Variants in UVSSA observed in about 807,000 individuals in gnomAD.
The protein encoded by UVSSA is UV stimulated scaffold protein A.
Under a neutral mutation model 73.9 loss-of-function variants are expected in UVSSA, and 72 were observed. The observed-to-expected ratio is 0.97, with a 90% CI of 0.81 to 1.19. UVSSA has a LOEUF of 1.19. Among genes scored for constraint, UVSSA ranks in the 50% most tolerant of loss-of-function variants. The pLI, the probability that UVSSA is intolerant of heterozygous loss-of-function variation, is 0.00. For synonymous variants in UVSSA, 454 were observed against 391.3 expected (o/e 1.16, Z -1.89); for missense variants, 1,150 against 965.0 (o/e 1.19, Z -2.54).
At chr4:1,370,709 C>T (rs1163382128) in intron 8 of UVSSA, among the ~76,000 whole-genome samples, 1 of 152,230 alleles carries the variant, frequency 6.6e-6, no homozygotes, top group Non-Finnish European at 1.5e-5. Flanking sequence ...GGACTTGGCT[C>T]ATAGCCACAG....
chr4:1,365,041 G>A (rs13130329), intron 7 of UVSSA, among the ~76,000 whole-genome samples: 44,593 of 152,158 alleles, frequency 0.29, 7,891 homozygotes, highest in Non-Finnish European at 0.4. Context: ...CAGAGGGAAG[G>A]TGAGGCGGAG....
intron 8 of UVSSA, among the ~76,000 whole-genome samples, chr4:1,372,811 T>C (rs796580293): frequency 2.1e-5 from 1 of 48,470 alleles, no homozygotes; most frequent in African/African-American, 9.9e-5. Context: ...ACCTCCCGCG[T>C]CTCAGGGCAC....
exon 14 of UVSSA, chr4:1,394,360 T>C: frequency 7.6e-7 from 1 of 1,312,238 alleles, no homozygotes; most frequent in Admixed American, 2.5e-5. Context: ...AGATTATATT[T>C]GAAATGTTTT....
At chr4:1,371,012 C>G (rs1717961852) in intron 8 of UVSSA, among the ~76,000 whole-genome samples, 1 of 152,230 alleles carries the variant, frequency 6.6e-6, no homozygotes, top group Non-Finnish European at 1.5e-5. Context: ...CATGCCTCCT[C>G]ATTCTCCTCC....
chr4:1,346,475 C>A (rs1042366684), upstream of UVSSA, among the ~76,000 whole-genome samples: 4 of 152,194 alleles, frequency 2.6e-5, no homozygotes, highest in Admixed American at 2.0e-4. Flanking sequence ...TTCGAGGCTG[C>A]GGACTTCGGC....
chr4:1,358,274 C>T (rs1716087330), intron 7 of UVSSA, among the ~76,000 whole-genome samples: 2 of 152,368 alleles, frequency 1.3e-5, no homozygotes, highest in Non-Finnish European at 1.5e-5. Flanking sequence ...CCCTCGTCCC[C>T]TTCGACCACA....
chr4:1,360,672 C>T (rs942306625), intron 7 of UVSSA, among the ~76,000 whole-genome samples: 1 of 152,112 alleles, frequency 6.6e-6, no homozygotes, highest in African/African-American at 2.4e-5. Flanking sequence ...CCTTTCCCGC[C>T]CCCGTGAGCC....
intron 7 of UVSSA, among the ~76,000 whole-genome samples, chr4:1,362,118 A>T (rs1417198709): frequency 6.6e-6 from 1 of 152,064 alleles, no homozygotes; most frequent in African/African-American, 2.4e-5. Context: ...TATTTTAGCC[A>T]TTTTATTGCT....
downstream of UVSSA, chr4:1,389,479 T>G (rs1235029482): frequency 6.6e-6 from 1 of 152,274 alleles, no homozygotes; most frequent in East Asian, 1.9e-4. Context: ...TCAAGCAATC[T>G]TCCCATCTCA....
At chr4:1,395,143 C>T (rs758967790) in exon 14 of UVSSA, 3 of 1,316,700 alleles carry the variant, frequency 2.3e-6, no homozygotes, top group East Asian at 2.3e-5. Context: ...CCTGCCTGCT[C>T]ACACGTGCCC....
chr4:1,394,174 C>T (rs2109335547), exon 14 of UVSSA: 1 of 456,016 alleles, frequency 2.2e-6, no homozygotes, highest in Non-Finnish European at 4.0e-6. Flanking sequence ...ACACACACAG[C>T]TCTGTGCCTG....
chr4:1,383,133 T>G (rs1173280642), intron 12 of UVSSA, among the ~76,000 whole-genome samples: 1 of 152,136 alleles, frequency 6.6e-6, no homozygotes, highest in Non-Finnish European at 1.5e-5. Context: ...GTCCCCTCAC[T>G]GCCACAGGGC....
intron 7 of UVSSA, among the ~76,000 whole-genome samples, chr4:1,362,270 G>T (rs1297694136): frequency 6.6e-6 from 1 of 152,232 alleles, no homozygotes; most frequent in African/African-American, 2.4e-5. Flanking sequence ...GGTGCCCTGT[G>T]CACGGGTGGT....
intron 8 of UVSSA, among the ~76,000 whole-genome samples, chr4:1,367,331 G>A (rs780045973): frequency 6.6e-6 from 1 of 152,230 alleles, no homozygotes; most frequent in African/African-American, 2.4e-5. Flanking sequence ...TTGCATGGAG[G>A]GGAGGCAAAT....
At chr4:1,351,266 G>A (rs567286528) in intron 3 of UVSSA, among the ~76,000 whole-genome samples, 40 of 151,806 alleles carry the variant, frequency 2.6e-4, no homozygotes, top group African/African-American at 9.2e-4. Flanking sequence ...GGATTTCACC[G>A]TGTTAGCCAG....
chr4:1,373,933 G>T (rs1446663313), intron 8 of UVSSA, among the ~76,000 whole-genome samples: 1 of 152,140 alleles, frequency 6.6e-6, no homozygotes, highest in African/African-American at 2.4e-5. Flanking sequence ...CTCACTTCCT[G>T]GCCTCTCGCT....
rs775941615 is a variant in UVSSA at position 1,376,113 on chromosome 4, G to T, written c.1513G>T (p.Gly505Cys). ...GGCCCGGGCGCCTGTGGTGCCCTACGGCGTGGACCTGCACTACTGGGGCCA... is the reference window on the plus strand; with the variant it reads ...GGCCCGGGCGCCTGTGGTGCCCTACTGCGTGGACCTGCACTACTGGGGCCA... ...ERARAPVVPY[G>C]VDLHYWGQEL... is the part of the protein sequence containing the mutation. Residue 505 changes from glycine (G) to cysteine (C), a missense_variant, in exon 10 of 14, where the codon GGC becomes TGC. Gly to Cys is a radical substitution (Grantham distance 159). Transcript: ENST00000389851. 1 of 1,608,338 alleles carries T rather than the reference G, an allele frequency of 6.2e-7. No individual in the cohort carries two copies. The highest frequency in any genetic ancestry group is 2.2e-5 in the East Asian group (1 of 44,704).
In UVSSA at chr4:1,376,166, C is replaced by T. The variant is rs1298502633; in HGVS notation, c.1566C>T (p.Val522=). The T allele has an allele frequency of 2.5e-6, 4 of 1,609,288 alleles. No homozygotes were observed. Among genetic ancestry groups the T allele is most frequent in the African/African-American group, 1.3e-5 (1 of 74,998 alleles). ...AGCTCCCCACAGCCGGGAAGATTGT[C>T]AAGTGAGTCCCCATGTGTCTGAAGT... ...GQELPTAGKI[V]KSDSQHRFWK... is the part of the protein sequence containing the mutation. The change falls in exon 10 of 14, where the codon GTC becomes GTT. Residue 522 remains valine, a splice_region_variant and synonymous_variant. Coordinates refer to ENST00000389851, the MANE Select transcript of UVSSA (RefSeq NM_020894.4).
chr4:1,365,057 C>T (rs992704914), intron 7 of UVSSA, among the ~76,000 whole-genome samples: 3 of 152,228 alleles, frequency 2.0e-5, no homozygotes, highest in Non-Finnish European at 4.4e-5. Context: ...CGGAGAAGAG[C>T]TTGCCCACAG....
Sources: gnomAD v4.1 joint callset for allele counts (sites outside exome capture counted in the v4.1 genomes callset) on GRCh38, gnomAD v4.1.1 for gene constraint, MANE v1.5 for transcripts, NCBI Gene and HGNC (gene_info 2026-07-23, HGNC 2026-07-21) for gene names.